Variants in STON1 observed in about 807,000 individuals in gnomAD.
STON1 encodes the protein stonin 1.
STON1 carries 79 observed loss-of-function variants against 60.9 expected under a neutral mutation model. The ratio of observed to expected loss-of-function variants is 1.30; its 90% CI spans 1.08 to 1.56. STON1 has a LOEUF of 1.56. Ranked by LOEUF, STON1 falls within the 40% of genes most tolerant of loss-of-function variation. The pLI, the probability that STON1 is intolerant of heterozygous loss-of-function variation, is 0.00. For missense variants in STON1, 1,166 were observed against 858.9 expected, an observed-to-expected ratio of 1.36 and a Z score of -4.47; for synonymous variants, 363 against 306.9, an observed-to-expected ratio of 1.18 and a Z score of -1.91.
At chr2:48,582,689 G>A (rs1244034917) in intron 2 of STON1, 126 bp downstream of exon 2, 4 of 1,442,294 alleles carry the variant, frequency 2.8e-6, no homozygotes, top group Non-Finnish European at 3.7e-6. Flanking sequence ...CTTTGGGGTA[G>A]GAGATGGAAC....
chr2:48,543,471 T>C (rs1307062928), intron 1 of STON1, among the ~76,000 whole-genome samples: 1 of 152,104 alleles, frequency 6.6e-6, no homozygotes, highest in Non-Finnish European at 1.5e-5. Context: ...TTTGCCTTAT[T>C]TGTTAATGCT....
chr2:48,595,572 CGTT>C lies in STON1; in HGVS notation c.*273_*275del. 2.5e-6 allele frequency: 1 copy of C among 404,620 alleles called. No individual in the cohort carries two copies. Among genetic ancestry groups the C allele is most frequent in the Non-Finnish European group, 4.5e-6 (1 of 222,954 alleles). The allele number at this position is 404,620 out of a possible 1,614,324, so 25.1% of individuals were successfully genotyped here. On this transcript the variant is annotated 3_prime_UTR_variant, in exon 4 of 4. Coordinates refer to ENST00000404752, the MANE Select transcript of STON1 (RefSeq NM_006873.4). ...ATTGAAACTCAAAGGCACTGTTACT[CGTT>C]GTGTGACCCCGCAGCCAGTATGATT... is the stretch of plus-strand genomic sequence containing the variant.
intron 1 of STON1, among the ~76,000 whole-genome samples, chr2:48,569,508 T>G (rs1381051900): frequency 2.6e-5 from 4 of 152,224 alleles, no homozygotes; most frequent in Non-Finnish European, 5.9e-5. Flanking sequence ...CCATTTAAAA[T>G]TATTCAATCA....
chr2:48,533,211 G>T (rs563266667), intron 1 of STON1, among the ~76,000 whole-genome samples: 5 of 152,126 alleles, frequency 3.3e-5, no homozygotes, highest in Admixed American at 6.5e-5. Flanking sequence ...GTGAAACCCC[G>T]TCTCTACTAA....
At chr2:48,562,691 C>T (rs754788971) in intron 1 of STON1, among the ~76,000 whole-genome samples, 1 of 152,150 alleles carries the variant, frequency 6.6e-6, no homozygotes, top group Non-Finnish European at 1.5e-5. Flanking sequence ...TTGGGTTGAG[C>T]CTTTGCTGTG....
chr2:48,593,367 G>A (rs996302079), intron 3 of STON1, among the ~76,000 whole-genome samples: 6 of 151,996 alleles, frequency 3.9e-5, no homozygotes, highest in African/African-American at 1.2e-4. Context: ...TGTCTGCCTC[G>A]GCCTCCCAAA....
At chr2:48,568,095 T>A (rs1673025803) in intron 1 of STON1, among the ~76,000 whole-genome samples, 1 of 151,558 alleles carries the variant, frequency 6.6e-6, no homozygotes, top group Admixed American at 6.6e-5. Flanking sequence ...GGAGAGGGTG[T>A]TCCTGAGGCT....
At chr2:48,594,829 T>G (rs1056148820) in intron 3 of STON1, among the ~76,000 whole-genome samples, 6 of 152,308 alleles carry the variant, frequency 3.9e-5, no homozygotes, top group African/African-American at 1.2e-4. Flanking sequence ...TAGATAATTT[T>G]GGGTGCATTA....
At chr2:48,587,234 C>T (rs552033003) in intron 2 of STON1, among the ~76,000 whole-genome samples, 19 of 152,352 alleles carry the variant, frequency 1.2e-4, no homozygotes, top group Non-Finnish European at 2.4e-4. Context: ...TTCCTCCCTG[C>T]TCTGCATATG....
chr2:48,543,077 C>T (rs931928911), intron 1 of STON1, among the ~76,000 whole-genome samples: 4 of 149,538 alleles, frequency 2.7e-5, no homozygotes, highest in Non-Finnish European at 4.4e-5. Context: ...TGGGTTTAAG[C>T]GATTCTCCTG....
intron 1 of STON1, among the ~76,000 whole-genome samples, chr2:48,550,520 C>G (rs1672057115): frequency 6.7e-6 from 1 of 148,982 alleles, no homozygotes; most frequent in East Asian, 1.9e-4. Context: ...AGACAAAAAC[C>G]CCACATATTT....
chr2:48,572,804 A>G (rs1673284937), intron 1 of STON1, among the ~76,000 whole-genome samples: 1 of 152,210 alleles, frequency 6.6e-6, no homozygotes, highest in African/African-American at 2.4e-5. Flanking sequence ...ATGGAGATAT[A>G]GTGCTGCTGA....
chr2:48,554,218 A>ATTTATTTG (rs1451593744), intron 1 of STON1, among the ~76,000 whole-genome samples: 1 of 151,600 alleles, frequency 6.6e-6, no homozygotes, highest in Non-Finnish European at 1.5e-5. Context: ...ATTTTATTTT[A>ATTTATTTG]TTTATTTGTT....
rs1673920114 is a variant in STON1 at position 48,582,077 on chromosome 2, A to G, written c.1444A>G (p.Ile482Val). The change falls in exon 2 of 4, where the codon ATT (isoleucine) becomes GTT (valine). Residue 482 changes from isoleucine to valine, a missense_variant. Physicochemically the swap from Ile to Val is conservative, Grantham distance 29. Transcript: ENST00000404752. ...EKDSEKKGID[I>V]LDYHFHKCVN... ...GGACTCAGAAAAAAAGGGGATTGAT[A>G]TTCTTGACTACCATTTTCATAAGTG... is the stretch of plus-strand genomic sequence containing the variant. 6.2e-7 allele frequency: 1 copy of G among 1,614,210 alleles called. No individual in the cohort carries two copies. Among genetic ancestry groups the G allele is most frequent in the Non-Finnish European group, 8.5e-7 (1 of 1,180,036 alleles).
At chr2:48,591,944 G>A in intron 3 of STON1, 89 bp downstream of exon 3, 1 of 1,479,472 alleles carries the variant, frequency 6.8e-7, no homozygotes, top group East Asian at 2.5e-5. Flanking sequence ...TGTTGTGTGT[G>A]TGTGTATATG....
At chr2:48,589,014 A>C (rs1416449251) in intron 2 of STON1, among the ~76,000 whole-genome samples, 1 of 152,232 alleles carries the variant, frequency 6.6e-6, no homozygotes. Context: ...AAGACAAATG[A>C]GGATGCTGGT....
At chr2:48,555,324 A>AC (rs529179336) in intron 1 of STON1, among the ~76,000 whole-genome samples, 4 of 25,772 alleles carry the variant, frequency 1.6e-4, no homozygotes, top group Admixed American at 6.3e-4. Flanking sequence ...GGGGGGGCTG[A>AC]CCCCCCCCAC....
At chr2:48,532,592 A>G (rs191101724) in intron 1 of STON1, among the ~76,000 whole-genome samples, 18 of 152,290 alleles carry the variant, frequency 1.2e-4, no homozygotes, top group Non-Finnish European at 2.5e-4. Context: ...CTGTAAGTCA[A>G]CCTTATACTG....
rs749623686 is a variant in STON1, at chr2:48,580,834, A to T, written c.201A>T (p.Val67=). 2.6e-6 allele frequency: 4 copies of T among 1,546,716 alleles called. No individual in the cohort carries two copies. Among genetic ancestry groups the T allele is most frequent in the Non-Finnish European group, 3.5e-6 (4 of 1,150,418 alleles). ...GCACTCCTCTCTCCTCCCCCATTGTAGATTTTTATTTCAGTCCAGGACCTC... is the reference window on the plus strand; with the variant it reads ...GCACTCCTCTCTCCTCCCCCATTGTTGATTTTTATTTCAGTCCAGGACCTC... ...TSSTPLSSPI[V]DFYFSPGPPS... Residue 67 remains valine (V), a synonymous_variant, in exon 2 of 4, where the codon GTA becomes GTT. Transcript: ENST00000404752.
Sources: gnomAD v4.1 joint callset for allele counts (sites outside exome capture counted in the v4.1 genomes callset) on GRCh38, gnomAD v4.1.1 for gene constraint, MANE v1.5 for transcripts, NCBI Gene and HGNC (gene_info 2026-07-23, HGNC 2026-07-21) for gene names.